AAK1: variants seen among roughly 807,000 people sequenced by gnomAD.
AAK1 encodes the protein AP2-associated protein kinase 1.
AAK1 carries 37 observed loss-of-function variants against 116.0 expected under a neutral mutation model. The observed-to-expected ratio is 0.32, with a 90% confidence interval of 0.25 to 0.42. The LOEUF is 0.42. Among genes scored for constraint, AAK1 ranks in the 10% least tolerant of loss-of-function variants. AAK1 has a pLI of 1.00. For missense variants in AAK1, 919 were observed against 1,170.6 expected, an observed-to-expected ratio of 0.79 and a Z score of 3.14; for synonymous variants, 458 against 439.9, an observed-to-expected ratio of 1.04 and a Z score of -0.51.
rs570400629 is a variant in AAK1, at chr2:69,643,680, G to T, written c.-340C>A. 2.5e-6 allele frequency: 3 copies of T among 1,223,168 alleles called. No homozygotes were observed. Among genetic ancestry groups the T allele is most frequent in the South Asian group, 4.2e-5 (1 of 24,040 alleles). 75.8% of individuals were successfully genotyped at this position (1,223,168 alleles called of 1,614,324 possible). On this transcript the variant is annotated 5_prime_UTR_variant, in exon 1 of 22. Transcript: ENST00000409085. ...AAGAGGCGGCGCTGCAGCGAGAGCC[G>T]GGGCCGCGCTCGGCTCCCGCCCGCC...
chr2:69,587,452 T>C (rs1330266396), intron 2 of AAK1, among the ~76,000 whole-genome samples: 1 of 147,624 alleles, frequency 6.8e-6, no homozygotes, highest in Non-Finnish European at 1.5e-5. Context: ...TATATGTATA[T>C]ATGTGTGTGT....
intron 2 of AAK1, among the ~76,000 whole-genome samples, chr2:69,626,508 A>ATT (rs527390302): frequency 0.014 from 2,157 of 149,402 alleles, 54 homozygotes; most frequent in African/African-American, 0.049. Flanking sequence ...TATTATTATT[A>ATT]TTTTTTTTTG....
rs961642453 is a variant in AAK1 at position 69,538,281 on chromosome 2, C to T, written c.534+4242G>A. ...TGAAGTCTGGTAACCTCACTCTAGC[C>T]TTTCATTCCAGTTTGCTCCGCATTC... On this transcript the variant is annotated intron_variant, in intron 5 of 21. Coordinates refer to ENST00000409085, the MANE Select transcript of AAK1 (RefSeq NM_014911.5). Among the ~76,000 whole-genome samples, 2 of 152,228 alleles carry T rather than the reference C, an allele frequency of 1.3e-5. 1 individual carries two copies. Among genetic ancestry groups the T allele is most frequent in the Admixed American group, 1.3e-4 (2 of 15,288 alleles).
At chr2:69,516,065 A>T (rs1676567596) in intron 12 of AAK1, among the ~76,000 whole-genome samples, 1 of 152,240 alleles carries the variant, frequency 6.6e-6, no homozygotes, top group African/African-American at 2.4e-5. Flanking sequence ...AATGTTTCAC[A>T]TATCCACAAA....
At position 69,471,982 on chromosome 2, in the gene AAK1, G is replaced by A. The variant is rs955086580; in HGVS notation, c.*3887C>T. ...CACAAGTATTAGCAATCCAAGTTGT[G>A]TAATTCTAATTCAGGAAGAGCGAAG... On this transcript the variant is annotated 3_prime_UTR_variant, in exon 22 of 22. Transcript: ENST00000409085. 1 of 985,186 alleles carries A rather than the reference G, an allele frequency of 1.0e-6. No homozygotes were observed. Among genetic ancestry groups the A allele is most frequent in the African/African-American group, 1.7e-5 (1 of 57,232 alleles). 61.0% of individuals were successfully genotyped at this position (985,186 alleles called of 1,614,324 possible).
chr2:69,531,349 G>A (rs1463408336), intron 6 of AAK1, among the ~76,000 whole-genome samples: 1 of 152,200 alleles, frequency 6.6e-6, no homozygotes, highest in African/African-American at 2.4e-5. Context: ...GGGTCGATCA[G>A]GTTCTTCTTG....
chr2:69,517,136 A>T (rs1038542852), intron 12 of AAK1: 1 of 152,230 alleles, frequency 6.6e-6, no homozygotes, highest in African/African-American at 2.4e-5. Context: ...TAAACTAAAC[A>T]AAACAAAAAC....
At chr2:69,591,849 G>A (rs1036850727) in intron 2 of AAK1, among the ~76,000 whole-genome samples, 2 of 152,108 alleles carry the variant, frequency 1.3e-5, no homozygotes, top group Non-Finnish European at 2.9e-5. Context: ...GATTACAGGC[G>A]TGAGCCACTG....
chr2:69,641,669 A>T (rs982502044), intron 2 of AAK1, among the ~76,000 whole-genome samples: 1 of 152,168 alleles, frequency 6.6e-6, no homozygotes, highest in Non-Finnish European at 1.5e-5. Flanking sequence ...TTCCTCTTCC[A>T]AACCCACCCA....
chr2:69,470,652 C>T lies in AAK1; in HGVS notation c.*5217G>A, dbSNP rs950399492. 2 of 985,266 alleles carry T rather than the reference C, an allele frequency of 2.0e-6. No homozygotes were observed. Among genetic ancestry groups the T allele is most frequent in the African/African-American group, 3.5e-5 (2 of 57,214 alleles). The allele number at this position is 985,266 out of a possible 1,614,324, so 61.0% of individuals were successfully genotyped here. On this transcript the variant is annotated 3_prime_UTR_variant, in exon 22 of 22. Transcript: ENST00000409085. The stretch of plus-strand genomic sequence containing the variant: ...AAGTTAGAGGAGGGAAGCTGCAAAC[C>T]TGCGCTCCATTTTACAACCCTGAGT...
chr2:69,614,267 G>A (rs866653843), intron 2 of AAK1, among the ~76,000 whole-genome samples: 1 of 152,136 alleles, frequency 6.6e-6, no homozygotes, highest in Admixed American at 6.6e-5. Flanking sequence ...GAGAAAACAG[G>A]CTGAAAACAA....
At chr2:69,553,428 T>C (rs552292081) in intron 3 of AAK1, among the ~76,000 whole-genome samples, 1 of 144,618 alleles carries the variant, frequency 6.9e-6, no homozygotes, top group African/African-American at 2.6e-5. Context: ...ACTTCTAGAA[T>C]TGAAAGTTGT....
chr2:69,634,655 G>C (rs143569162), intron 2 of AAK1, among the ~76,000 whole-genome samples: 80 of 152,320 alleles, frequency 5.3e-4, no homozygotes, highest in Middle Eastern at 3.4e-3. Context: ...CTGTGGTGTA[G>C]TCTCTAAGCT....
At chr2:69,476,062 C>A (rs919463534) in intron 21 of AAK1, 99 bp from the exon 22 acceptor site, 67 of 1,463,412 alleles carry the variant, frequency 4.6e-5, no homozygotes, top group South Asian at 2.9e-4. Flanking sequence ...AAACCAAAAC[C>A]AAAACAAAAA....
chr2:69,568,841 G>A (rs1244708844), intron 2 of AAK1, among the ~76,000 whole-genome samples: 3 of 152,110 alleles, frequency 2.0e-5, no homozygotes, highest in African/African-American at 7.2e-5. Context: ...CCTTTCCTCT[G>A]ACATTCAGGC....
chr2:69,554,863 G>A (rs1306413934), intron 3 of AAK1, among the ~76,000 whole-genome samples: 16 of 152,288 alleles, frequency 1.1e-4, no homozygotes, highest in African/African-American at 3.1e-4. Context: ...CAGCTAATAC[G>A]CCTCTGGGCC....
chr2:69,532,576 C>A (rs1232914476), intron 5 of AAK1, among the ~76,000 whole-genome samples: 3 of 152,168 alleles, frequency 2.0e-5, no homozygotes, highest in African/African-American at 7.2e-5. Context: ...AACCCCAGTT[C>A]AAATGCCATG....
chr2:69,548,552 CTT>C lies in AAK1; in HGVS notation c.283-4010_283-4009del, dbSNP rs140167053. Among the ~76,000 whole-genome samples, 996 of 147,970 alleles carry C rather than the reference CTT, an allele frequency of 6.7e-3. 11 individuals are homozygous for C. Among genetic ancestry groups the C allele is most frequent in the East Asian group, 0.035 (179 of 5,056 alleles). On this transcript the variant is annotated intron_variant, in intron 3 of 21. Transcript: ENST00000409085. ...TTTCTCTCTCTCTTCCTTCCTTCCTCTTTCTTTCTTTTCTTTCTTTCTTTCTC... is the reference window on the plus strand; with the variant it reads ...TTTCTCTCTCTCTTCCTTCCTTCCTCTCTTTCTTTTCTTTCTTTCTTTCTC...
At chr2:69,603,740 AATCATC>A (rs144591529) in intron 2 of AAK1, among the ~76,000 whole-genome samples, 26 of 151,734 alleles carry the variant, frequency 1.7e-4, no homozygotes, top group African/African-American at 3.6e-4. Context: ...GCAGAATTAA[AATCATC>A]ATCATCATCA....
Sources: gnomAD v4.1 joint callset for allele counts (sites outside exome capture counted in the v4.1 genomes callset) on GRCh38, gnomAD v4.1.1 for gene constraint, MANE v1.5 for transcripts, NCBI Gene and HGNC (gene_info 2026-07-23, HGNC 2026-07-21) for gene names.